Variants in ZNF362 observed in about 807,000 individuals in gnomAD.
ZNF362 encodes zinc finger protein 362.
Under a neutral mutation model 42.9 loss-of-function variants are expected in ZNF362, and 11 were observed. The ratio of observed to expected loss-of-function variants is 0.26; its 90% CI spans 0.16 to 0.42. The LOEUF (loss-of-function observed/expected upper bound fraction) is 0.42, where lower values mean the gene tolerates loss of function less well. Among genes scored for constraint, ZNF362 ranks in the 20% least tolerant of loss-of-function variants. ZNF362 has a pLI of 1.00. For missense variants in ZNF362, 362 were observed against 576.2 expected, an observed-to-expected ratio of 0.63 and a Z score of 3.81; for synonymous variants, 255 against 257.3, an observed-to-expected ratio of 0.99 and a Z score of 0.09.
the ZNF362 span, among the ~76,000 whole-genome samples, chr1:33,180,840 C>T: frequency 6.6e-6 from 1 of 151,016 alleles, no homozygotes; most frequent in Non-Finnish European, 1.5e-5. Context: ...CACGGCCCCG[C>T]CATGCGGCGG....
chr1:33,188,102 C>T, the ZNF362 span, among the ~76,000 whole-genome samples: 5 of 151,988 alleles, frequency 3.3e-5, no homozygotes, highest in East Asian at 1.9e-4. Flanking sequence ...GGGGTGGTGG[C>T]GGGTGCCTGT....
At chr1:33,190,885 T>C in the ZNF362 span, among the ~76,000 whole-genome samples, 1 of 152,196 alleles carries the variant, frequency 6.6e-6, no homozygotes, top group African/African-American at 2.4e-5. Context: ...TTCCTGTTCC[T>C]GTGAGCATCA....
chr1:33,211,513 T>C, the ZNF362 span, among the ~76,000 whole-genome samples: 1 of 152,198 alleles, frequency 6.6e-6, no homozygotes, highest in African/African-American at 2.4e-5. Flanking sequence ...TTTGGCTGGA[T>C]ATGAAATTCT....
At chr1:33,255,753 C>G (rs1445791019), upstream of ZNF362, among the ~76,000 whole-genome samples, 1 of 152,130 alleles carries the variant, frequency 6.6e-6, no homozygotes, top group Non-Finnish European at 1.5e-5. Context: ...CTTCTACTCC[C>G]CACCCCTATG....
chr1:33,254,123 G>GTTAGGTGTCT (rs56082717), upstream of ZNF362, among the ~76,000 whole-genome samples: 1 of 151,306 alleles, frequency 6.6e-6, no homozygotes, highest in Non-Finnish European at 1.5e-5. Flanking sequence ...ACATTTAGTA[G>GTTAGGTGTCT]TTCGTCTGTT....
At chr1:33,147,325 A>C in the ZNF362 span, 1 of 1,614,210 alleles carries the variant, frequency 6.2e-7, no homozygotes, top group Non-Finnish European at 8.5e-7. The surrounding 1 kb of genome is among the most constrained non-coding windows in gnomAD (Gnocchi z 8.1). Context: ...GTAGAAGATG[A>C]GCAAGCCTTG....
chr1:33,181,041 G>A, the ZNF362 span: 3 of 1,593,214 alleles, frequency 1.9e-6, no homozygotes, highest in African/African-American at 1.4e-5. This position sits in a 1 kb window ranked among gnomAD's most constrained non-coding sequence, Gnocchi z 6.5. Flanking sequence ...CTCGTCGAAG[G>A]CGTCGTCGAT....
chr1:33,180,130 A>G, the ZNF362 span, among the ~76,000 whole-genome samples: 2 of 152,146 alleles, frequency 1.3e-5, no homozygotes, highest in Admixed American at 6.5e-5. Flanking sequence ...TTAGAGTTCT[A>G]TGCCAACTAT....
the ZNF362 span, among the ~76,000 whole-genome samples, chr1:33,173,687 T>G: frequency 6.6e-6 from 1 of 151,688 alleles, no homozygotes. Flanking sequence ...TCTTTTTTTT[T>G]TTTTTCCCTA....
chr1:33,188,651 G>A, the ZNF362 span, among the ~76,000 whole-genome samples: 2 of 152,226 alleles, frequency 1.3e-5, no homozygotes, highest in Non-Finnish European at 2.9e-5. Flanking sequence ...TGCTTTGACA[G>A]ATTGGACACT....
At chr1:33,137,025 C>G in the ZNF362 span, among the ~76,000 whole-genome samples, 2 of 151,676 alleles carry the variant, frequency 1.3e-5, no homozygotes, top group South Asian at 4.2e-4. Context: ...AGAAAATCAG[C>G]CAGTGCTTGT....
rs1363284525 is a variant in ZNF362, at chr1:33,280,011, A to G, written c.350-113A>G. ...TCTCATTTAGTTACCCCTGGGTAAT[A>G]ACTTATGAACGTTAAGGGGATGCTC... On this transcript the variant is annotated intron_variant, in intron 4 of 8. Transcript: ENST00000539719. The surrounding 1 kb of genome is among the most constrained non-coding windows in gnomAD (Gnocchi z 5.6). 1 of 1,284,858 alleles carries G rather than the reference A, an allele frequency of 7.8e-7. No homozygotes were observed. The highest frequency in any genetic ancestry group is 1.0e-6 in the Non-Finnish European group (1 of 963,706). 79.6% of individuals were successfully genotyped at this position (1,284,858 alleles called of 1,614,324 possible). A position where few individuals can be genotyped will look rare whatever the true frequency, so the allele number is the denominator to read the frequency against.
chr1:33,170,400 A>G, the ZNF362 span, among the ~76,000 whole-genome samples: 1 of 152,072 alleles, frequency 6.6e-6, no homozygotes, highest in Non-Finnish European at 1.5e-5. Context: ...TTAAAACAAC[A>G]ACAACAAAAA....
chr1:33,175,164 G>A, the ZNF362 span, among the ~76,000 whole-genome samples: 48 of 151,518 alleles, frequency 3.2e-4, no homozygotes, highest in African/African-American at 1.1e-3. Context: ...TCAGCCTCCC[G>A]AGTAGCTGGG....
At chr1:33,265,153 A>G (rs1337723764) in intron 1 of ZNF362, among the ~76,000 whole-genome samples, 1 of 151,710 alleles carries the variant, frequency 6.6e-6, no homozygotes, top group East Asian at 2.0e-4. Context: ...GAGAAATAGA[A>G]GTAGGGAGGG....
At chr1:33,265,465 C>T (rs2148070829) in intron 1 of ZNF362, among the ~76,000 whole-genome samples, 1 of 152,156 alleles carries the variant, frequency 6.6e-6, no homozygotes, top group South Asian at 2.1e-4. Context: ...CTGCGGAAAC[C>T]CGGTCTAATT....
upstream of ZNF362, chr1:33,256,459 G>GCCA: frequency 6.0e-6 from 1 of 165,870 alleles, no homozygotes; most frequent in Non-Finnish European, 1.2e-5. Context: ...TCCCGCCGCC[G>GCCA]CCGCCGCCGC....
intron 8 of ZNF362, among the ~76,000 whole-genome samples, chr1:33,297,817 A>C (rs1298898647): frequency 6.6e-6 from 1 of 152,188 alleles, no homozygotes; most frequent in African/African-American, 2.4e-5. Flanking sequence ...CCCAGCCTAC[A>C]TTATTCTTTT....
rs1646146747 is a variant in ZNF362, at chr1:33,299,108, C to T, written c.*62C>T. The stretch of plus-strand genomic sequence containing the variant: ...AGACACAGACCCAGGCAGCACCAGG[C>T]CCCAGCTCCCTCCGGGGGCCCTCCA... On this transcript the variant is annotated 3_prime_UTR_variant, in exon 9 of 9. Coordinates refer to ENST00000539719, the MANE Select transcript of ZNF362 (RefSeq NM_152493.3). 7.6e-7 allele frequency: 1 copy of T among 1,319,410 alleles called. No homozygotes were observed. The allele number at this position is 1,319,410 out of a possible 1,614,324, so 81.7% of individuals were successfully genotyped here.
Sources: allele counts gnomAD v4.1 joint callset (sites outside exome capture counted in the v4.1 genomes callset), GRCh38; gene constraint gnomAD v4.1.1; non-coding constraint Gnocchi (gnomAD v3.1); transcripts MANE v1.5; gene names NCBI Gene and HGNC (gene_info 2026-07-23, HGNC 2026-07-21).